The following STX8 variants were observed in gnomAD, a reference collection of about 807,000 sequenced individuals.
The protein encoded by STX8 is syntaxin-8.
STX8 carries 23 observed loss-of-function variants against 37.5 expected under a neutral mutation model. The observed-to-expected ratio is 0.61, with a 90% CI of 0.44 to 0.87. The LOEUF (loss-of-function observed/expected upper bound fraction) is 0.87, where lower values mean the gene tolerates loss of function less well. Ranked by LOEUF, STX8 falls within the 40% of genes least tolerant of loss-of-function variation. The probability of loss-of-function intolerance (pLI) is 0.00; values close to 1 mark genes in which losing one functional copy is unlikely to be tolerated. For missense variants in STX8, 313 were observed against 284.7 expected (o/e 1.10, Z -0.71); for synonymous variants, 115 against 99.1 (o/e 1.16, Z -0.95).
chr17:9,380,709 C>CTTTT (rs776433325), intron 6 of STX8, among the ~76,000 whole-genome samples: 21 of 98,500 alleles, frequency 2.1e-4, no homozygotes, highest in East Asian at 3.4e-4. Flanking sequence ...GATACAGAAA[C>CTTTT]TTTTTTTTTT....
intron 7 of STX8, among the ~76,000 whole-genome samples, chr17:9,288,611 G>C (rs367597628): frequency 6.6e-6 from 1 of 151,962 alleles, no homozygotes; most frequent in Non-Finnish European, 1.5e-5. Context: ...GCAGTGAGCC[G>C]AGATCGCGCC....
At chr17:9,566,347 C>A (rs1181778522) in intron 2 of STX8, among the ~76,000 whole-genome samples, 1 of 152,226 alleles carries the variant, frequency 6.6e-6, no homozygotes, top group Admixed American at 6.5e-5. Context: ...CACTTATACA[C>A]TGTTAGTGGG....
chr17:9,470,031 T>C (rs769606076), intron 6 of STX8: 2 of 152,220 alleles, frequency 1.3e-5, no homozygotes, highest in Non-Finnish European at 2.9e-5. Flanking sequence ...GATTTCAAAC[T>C]AACCAAATTG....
At chr17:9,327,513 T>C (rs895174411) in intron 7 of STX8, among the ~76,000 whole-genome samples, 7 of 152,116 alleles carry the variant, frequency 4.6e-5, no homozygotes, top group Non-Finnish European at 8.8e-5. Context: ...ACAAGGGGTA[T>C]GATCTAATGT....
intron 7 of STX8, among the ~76,000 whole-genome samples, chr17:9,252,014 A>T (rs941175116): frequency 2.6e-5 from 4 of 151,526 alleles, no homozygotes; most frequent in Admixed American, 6.6e-5. Flanking sequence ...AAATATATTT[A>T]AAAAAATAGG....
At chr17:9,421,695 A>G (rs1047975313) in intron 6 of STX8, among the ~76,000 whole-genome samples, 1 of 151,798 alleles carries the variant, frequency 6.6e-6, no homozygotes, top group African/African-American at 2.4e-5. Flanking sequence ...CTAGTTTCAA[A>G]CTCTTCTTTC....
In STX8 at chr17:9,285,237, G is replaced by C. The variant is rs115821795; in HGVS notation, c.644-34592C>G. ...CCAGGCCCCAAGGCTCAGGGAATCA[G>C]CTTCAGGAAGCCTGGGCTCAGACTC... On this transcript the variant is annotated intron_variant, in intron 7 of 7. Transcript: ENST00000306357. Among the ~76,000 whole-genome samples, 336 of 152,248 alleles carry C rather than the reference G, an allele frequency of 2.2e-3. 3 individuals carry two copies. The highest frequency in any genetic ancestry group is 7.2e-3 in the African/African-American group (300 of 41,534).
intron 7 of STX8, among the ~76,000 whole-genome samples, chr17:9,269,765 A>G (rs181092362): frequency 1.3e-5 from 2 of 152,270 alleles, no homozygotes; most frequent in African/African-American, 4.8e-5. Flanking sequence ...CACTCCGAGC[A>G]TGCCACACTC....
At chr17:9,349,318 T>C (rs1910627509) in intron 7 of STX8, among the ~76,000 whole-genome samples, 1 of 140,848 alleles carries the variant, frequency 7.1e-6, no homozygotes, top group Admixed American at 7.0e-5. Context: ...TTTCTTTTCT[T>C]TTTTTTTTTT....
intron 4 of STX8, among the ~76,000 whole-genome samples, chr17:9,515,993 T>C (rs550378924): frequency 6.6e-5 from 10 of 152,204 alleles, no homozygotes; most frequent in Admixed American, 2.0e-4. Context: ...CCAACTCTCA[T>C]ATCATCTTGC....
At chr17:9,376,602 C>CTT (rs1465009539) in intron 7 of STX8, among the ~76,000 whole-genome samples, 1 of 152,232 alleles carries the variant, frequency 6.6e-6, no homozygotes, top group Non-Finnish European at 1.5e-5. Context: ...TGTTCTTTCA[C>CTT]TGTTCACAAT....
At chr17:9,378,102 T>C (rs1911664588) in intron 7 of STX8, 1 of 158,282 alleles carries the variant, frequency 6.3e-6, no homozygotes, top group Admixed American at 6.2e-5. Flanking sequence ...ATTCTTATCT[T>C]GGCATATGAA....
chr17:9,322,971 C>T (rs894185071), intron 7 of STX8, among the ~76,000 whole-genome samples: 5 of 151,010 alleles, frequency 3.3e-5, no homozygotes, highest in African/African-American at 9.7e-5. Context: ...TCCATTCTTT[C>T]GGTGGTCAAA....
At chr17:9,278,686 A>G (rs1907769979) in intron 7 of STX8, among the ~76,000 whole-genome samples, 1 of 152,150 alleles carries the variant, frequency 6.6e-6, no homozygotes, top group South Asian at 2.1e-4. Flanking sequence ...AATGGAGCTC[A>G]GAAGAGAGAT....
chr17:9,575,051 G>A (rs1452299448), intron 1 of STX8, among the ~76,000 whole-genome samples: 2 of 152,304 alleles, frequency 1.3e-5, no homozygotes, highest in African/African-American at 4.8e-5. Flanking sequence ...TTATTAAGCA[G>A]AAAGGTCAAG....
At chr17:9,502,304 T>C (rs968727253) in intron 5 of STX8, among the ~76,000 whole-genome samples, 9 of 152,064 alleles carry the variant, frequency 5.9e-5, no homozygotes, top group Non-Finnish European at 1.5e-5. Flanking sequence ...GCCCTGGGGT[T>C]TGGGGGAGAG....
chr17:9,536,665 T>C (rs1209338365), intron 4 of STX8, among the ~76,000 whole-genome samples: 3 of 152,172 alleles, frequency 2.0e-5, no homozygotes, highest in Non-Finnish European at 2.9e-5. Context: ...TCTGCACTAA[T>C]TCCACTGTGC....
At chr17:9,418,185 T>C (rs565644545) in intron 6 of STX8, among the ~76,000 whole-genome samples, 2 of 152,162 alleles carry the variant, frequency 1.3e-5, no homozygotes, top group African/African-American at 2.4e-5. Flanking sequence ...AGAGCCAGAA[T>C]TGAACCAGAC....
intron 7 of STX8, among the ~76,000 whole-genome samples, chr17:9,347,965 T>C (rs1245425398): frequency 6.6e-6 from 1 of 152,230 alleles, no homozygotes; most frequent in East Asian, 1.9e-4. Context: ...CATGGATTAC[T>C]ACTTCATTCC....
Sources: gnomAD v4.1 joint callset for allele counts (sites outside exome capture counted in the v4.1 genomes callset) on GRCh38, gnomAD v4.1.1 for gene constraint, MANE v1.5 for transcripts, NCBI Gene and HGNC (gene_info 2026-07-23, HGNC 2026-07-21) for gene names.